The following ESYT3 variants were observed in gnomAD, a reference collection of about 807,000 sequenced individuals.
ESYT3 encodes the protein extended synaptotagmin 3, also known as extended synaptotagmin-3.
In ESYT3, 101 loss-of-function variants were observed where a neutral mutation model predicts 111.5. The ratio of observed to expected loss-of-function variants is 0.91; its 90% confidence interval spans 0.77 to 1.07. The LOEUF (loss-of-function observed/expected upper bound fraction) is 1.07, where lower values mean the gene tolerates loss of function less well. ESYT3 is among the 50% of genes least tolerant of loss of function. The pLI is 0.00. For missense variants in ESYT3, 1,097 were observed against 1,109.4 expected (o/e 0.99, Z 0.16); for synonymous variants, 416 against 446.8 (o/e 0.93, Z 0.87).
rs1388143424 is a variant in ESYT3, at chr3:138,479,330, A to ATGTT, written c.*2477_*2480dup. The stretch of plus-strand genomic sequence containing the variant: ...GGTTCAGAAACATAGTAGAACTAAA[A>ATGTT]TGTTAGTACTAACAACTAAGAAGGG... On this transcript the variant is annotated 3_prime_UTR_variant, in exon 23 of 23. Transcript: ENST00000389567. 2.6e-5 allele frequency: 4 copies of ATGTT among 152,252 alleles called. No individual in the cohort carries two copies. The highest frequency in any genetic ancestry group is 4.4e-5 in the Non-Finnish European group (3 of 68,040). The allele number at this position is 152,252 out of a possible 1,614,324, so 9.4% of individuals were successfully genotyped here.
chr3:138,460,429 G>C (rs2032560539), intron 6 of ESYT3, among the ~76,000 whole-genome samples, 182 bp from the exon 7 acceptor site: 1 of 152,176 alleles, frequency 6.6e-6, no homozygotes, highest in African/African-American at 2.4e-5. Flanking sequence ...GCCTGAGCTG[G>C]GCTGGGGGGT....
rs751420187 is a variant in ESYT3 at position 138,464,296 on chromosome 3, T to G, written c.916-49T>G. On this transcript the variant is annotated intron_variant, in intron 8 of 22. Coordinates refer to ENST00000389567, the MANE Select transcript of ESYT3 (RefSeq NM_031913.5). Reference sequence around the variant, plus strand: ...GTTTTAGCTCTGATACTCCAGGACTTGGAGGCCCCAGGAAGCAGCTGTGAG... The same window carrying G: ...GTTTTAGCTCTGATACTCCAGGACTGGGAGGCCCCAGGAAGCAGCTGTGAG... 7.7e-5 allele frequency: 124 copies of G among 1,601,342 alleles called. 1 individual carries two copies. The East Asian group carries it at 2.5e-3, about 33-fold the overall frequency.
At position 138,434,676 on chromosome 3, in the gene ESYT3, A is replaced by C. The variant is rs144309083; in HGVS notation, c.-123A>C. 1,136 of 894,362 alleles carry C rather than the reference A, an allele frequency of 1.3e-3. 9 individuals carry two copies. The African/African-American group carries it at 0.018, about 14-fold the overall frequency. The allele number at this position is 894,362 out of a possible 1,614,324, so 55.4% of individuals were successfully genotyped here. On this transcript the variant is annotated 5_prime_UTR_variant, in exon 1 of 23. Coordinates refer to ENST00000389567, the MANE Select transcript of ESYT3 (RefSeq NM_031913.5). ...CTGAGCTCGGCGCGCCGAGAGTCCC[A>C]GCAGGGCAAGGGGGCGCGGCGTCCT...
chr3:138,445,229 A>G (rs1213162363), intron 1 of ESYT3, among the ~76,000 whole-genome samples: 2 of 152,212 alleles, frequency 1.3e-5, no homozygotes, highest in South Asian at 4.1e-4. Context: ...CTCGTGGGGA[A>G]CTGCAACAAA....
At position 138,473,552 on chromosome 3, in the gene ESYT3, C is replaced by T. The variant is rs200317671; in HGVS notation, c.2254C>T (p.Arg752Ter). The T allele has an allele frequency of 3.7e-5, 59 of 1,613,422 alleles. No individual in the cohort carries two copies. Among genetic ancestry groups the T allele is most frequent in the South Asian group, 3.2e-4 (29 of 91,050 alleles). Residue 752 changes from arginine to a stop codon, truncating the protein, a stop_gained, in exon 19 of 23, where the codon CGA becomes TGA. Coordinates refer to ENST00000389567, the MANE Select transcript of ESYT3 (RefSeq NM_031913.5). LOFTEE classifies it high-confidence loss of function. The stretch of plus-strand genomic sequence containing the variant: ...TCTTTACAGAGGTGGGGACCTCAGG[C>T]GACGGCAGCTGGGTGAGATTCAGCT... ...SLNIEGGDLR[R>*]RQLGEIQLTV...
intron 1 of ESYT3, among the ~76,000 whole-genome samples, chr3:138,438,405 C>T (rs542463429): frequency 6.6e-6 from 1 of 152,242 alleles, no homozygotes; most frequent in South Asian, 2.1e-4. Flanking sequence ...TATCCGGCCA[C>T]CTGCTGCTTG....
intron 16 of ESYT3, 189 bp downstream of exon 16, chr3:138,470,335 A>C: frequency 7.7e-7 from 1 of 1,305,764 alleles, no homozygotes; most frequent in African/African-American, 1.5e-5. Flanking sequence ...GTCACTGTAT[A>C]GGGGGATGTG....
Position 138,476,469 on chromosome 3 carries a change from T to C in ESYT3, c.2601T>C (p.Asp867=). 6.2e-7 allele frequency: 1 copy of C among 1,613,902 alleles called. No homozygotes were observed. ...TACTGATTGACTTATCAAAAGAAGATCTGATTAAGGGCTTTTCACAATGGT... is the reference window on the plus strand; with the variant it reads ...TACTGATTGACTTATCAAAAGAAGACCTGATTAAGGGCTTTTCACAATGGT... ...GKVLIDLSKE[D]LIKGFSQWYE... is the part of the protein sequence containing the mutation. Residue 867 remains aspartate, a synonymous_variant, in exon 22 of 23, where the codon GAT becomes GAC. Transcript: ENST00000389567.
intron 8 of ESYT3, 148 bp downstream of exon 8, chr3:138,462,354 A>G: frequency 8.9e-7 from 1 of 1,121,054 alleles, no homozygotes; most frequent in Non-Finnish European, 1.3e-6. Context: ...CCACGTCATA[A>G]TTACTAAAGA....
chr3:138,447,371 A>G (rs2031613284), intron 1 of ESYT3, among the ~76,000 whole-genome samples: 1 of 152,238 alleles, frequency 6.6e-6, no homozygotes, highest in African/African-American at 2.4e-5. Context: ...CAGCAAAAAT[A>G]TATACCTATT....
chr3:138,464,748 C>A (rs1277026629), intron 9 of ESYT3, among the ~76,000 whole-genome samples: 2 of 152,184 alleles, frequency 1.3e-5, no homozygotes, highest in East Asian at 3.9e-4. Flanking sequence ...GTTAACAAAT[C>A]AAAGAGAAAG....
At chr3:138,455,692 A>C (rs535370947) in intron 3 of ESYT3, among the ~76,000 whole-genome samples, 1 of 152,198 alleles carries the variant, frequency 6.6e-6, no homozygotes, top group African/African-American at 2.4e-5. Context: ...GAGCCGGTGA[A>C]CACACGCTCA....
intron 10 of ESYT3, among the ~76,000 whole-genome samples, chr3:138,466,460 T>C (rs1410580913): frequency 1.8e-4 from 27 of 152,252 alleles, no homozygotes; most frequent in Admixed American, 1.8e-3. Flanking sequence ...TTTTTATTTT[T>C]ATCTTAATGA....
chr3:138,473,027 G>A, intron 18 of ESYT3, 168 bp downstream of exon 18: 2 of 1,461,620 alleles, frequency 1.4e-6, no homozygotes, highest in Middle Eastern at 2.0e-4. Context: ...AAGGGAGAGA[G>A]AGCCAAACAG....
chr3:138,456,746 T>C (rs1350136967), intron 3 of ESYT3, among the ~76,000 whole-genome samples: 1 of 152,116 alleles, frequency 6.6e-6, no homozygotes, highest in African/African-American at 2.4e-5. Context: ...CCAAAACCAT[T>C]TCCCACCCCA....
chr3:138,434,994 G>T lies in ESYT3; in HGVS notation c.196G>T (p.Ala66Ser), dbSNP rs940070087. ...GLSITWLLLG[A>S]LLWMWWRRNR... Reference sequence around the variant, plus strand: ...CAGCATAACCTGGTTGCTGCTCGGCGCCCTGCTGTGGATGTGGTGGCGCAG... The same window carrying T: ...CAGCATAACCTGGTTGCTGCTCGGCTCCCTGCTGTGGATGTGGTGGCGCAG... The change falls in exon 1 of 23, where the codon GCC becomes TCC. Residue 66 changes from alanine (A) to serine (S), a missense_variant. Coordinates refer to ENST00000389567, the MANE Select transcript of ESYT3 (RefSeq NM_031913.5). 3 of 1,563,668 alleles carry T rather than the reference G, an allele frequency of 1.9e-6. No individual in the cohort carries two copies. The African/African-American group carries it at 4.0e-5, about 21-fold the overall frequency.
In ESYT3 at chr3:138,434,822, CCCCGGGGCCCCCAGCG is replaced by C. The variant is rs753647988; in HGVS notation, c.28_43del (p.Gly10TrpfsTer37). The C allele has an allele frequency of 6.4e-7, 1 of 1,559,144 alleles. No homozygotes were observed. Among genetic ancestry groups the C allele is most frequent in the Non-Finnish European group, 8.7e-7 (1 of 1,153,724 alleles). ...AGATGCGAGCAGAGGAGCCCTGCGC[CCCCGGGGCCCCCAGCG>C]CCCTGGGAGCCCAGCGCACGCCGGG... On this transcript the variant is annotated frameshift_variant, in exon 1 of 23. Coordinates refer to ENST00000389567, the MANE Select transcript of ESYT3 (RefSeq NM_031913.5). LOFTEE classifies it high-confidence loss of function.
At chr3:138,460,875 CCA>C (rs137885621) in intron 7 of ESYT3, among the ~76,000 whole-genome samples, 2 of 152,000 alleles carry the variant, frequency 1.3e-5, no homozygotes, top group African/African-American at 4.8e-5. Context: ...CCCGCCCACA[CCA>C]CACACACACA....
Position 138,434,919 on chromosome 3 carries a change from C to A in ESYT3, c.121C>A (p.Arg41Ser). 6.4e-7 allele frequency: 1 copy of A among 1,551,728 alleles called. No individual in the cohort carries two copies. The highest frequency in any genetic ancestry group is 1.2e-5 in the South Asian group (1 of 84,070). Residue 41 changes from arginine to serine, a missense_variant, in exon 1 of 23, where the codon CGC (arginine) becomes AGC (serine). Physicochemically the swap from Arg to Ser is moderately radical, Grantham distance 110 (BLOSUM62 -1). Transcript: ENST00000389567. ...GCCCGAGCTCTGTACCTTCGTGGTG[C>A]GCGTGCTGTTCTACCTGGGGCCTGT... ...LLPELCTFVV[R>S]VLFYLGPVYL...
Sources: allele counts gnomAD v4.1 joint callset (sites outside exome capture counted in the v4.1 genomes callset), GRCh38; gene constraint gnomAD v4.1.1; transcripts MANE v1.5; gene names NCBI Gene and HGNC (gene_info 2026-07-23, HGNC 2026-07-21).